Variants in CATSPER3 observed in about 807,000 individuals in gnomAD.
CATSPER3 encodes cation channel sperm associated 3.
CATSPER3 carries 23 observed loss-of-function variants against 36.6 expected under a neutral mutation model. The observed-to-expected ratio is 0.63, with a 90% CI of 0.45 to 0.89. The LOEUF is 0.89. Ranked by LOEUF, CATSPER3 falls within the 40% of genes least tolerant of loss-of-function variation. The probability of loss-of-function intolerance (pLI) is 0.00; values close to 1 mark genes in which losing one functional copy is unlikely to be tolerated. For synonymous variants in CATSPER3, 172 were observed against 184.1 expected (o/e 0.93, Z 0.53); for missense variants, 474 against 503.9 (o/e 0.94, Z 0.57).
intron 2 of CATSPER3, among the ~76,000 whole-genome samples, chr5:134,983,336 A>T (rs2149547749): frequency 6.6e-6 from 1 of 152,288 alleles, no homozygotes; most frequent in South Asian, 2.1e-4. Flanking sequence ...AATAGTCATG[A>T]CCAGCCTGGC....
chr5:134,971,826 G>A (rs1417322984), intron 2 of CATSPER3, among the ~76,000 whole-genome samples: 2 of 151,908 alleles, frequency 1.3e-5, no homozygotes, highest in African/African-American at 4.8e-5. Context: ...AGGAAGAGAA[G>A]GTTCAGATAA....
intron 2 of CATSPER3, among the ~76,000 whole-genome samples, chr5:134,970,596 G>C (rs1486584321): frequency 3.1e-5 from 4 of 129,734 alleles, no homozygotes; most frequent in Non-Finnish European, 6.3e-5. Context: ...TTTTGAGACA[G>C]AGTCTCGCCC....
At chr5:134,971,923 G>A (rs1286573135) in intron 2 of CATSPER3, among the ~76,000 whole-genome samples, 3 of 152,134 alleles carry the variant, frequency 2.0e-5, no homozygotes, top group Admixed American at 1.3e-4. Context: ...GCTCAGTGAG[G>A]TTAGAACCAC....
At position 134,983,133 on chromosome 5, in the gene CATSPER3, T is replaced by C. The variant is rs187931229; in HGVS notation, c.252+13041T>C. On this transcript the variant is annotated intron_variant, in intron 2 of 7. Transcript: ENST00000282611. The stretch of plus-strand genomic sequence containing the variant: ...AGGTATATATGCAAAAAGGCAGTAA[T>C]GGAGGAATTGAGGAACAAAAATATA... 3.9e-5 allele frequency among the ~76,000 whole-genome samples: 6 copies of C among 152,022 alleles called. No homozygotes were observed. The East Asian group carries it at 1.2e-3, about 29-fold the overall frequency.
chr5:134,969,842 G>A, intron 1 of CATSPER3, 97 bp from the exon 2 acceptor site: 2 of 1,234,274 alleles, frequency 1.6e-6, no homozygotes, highest in Admixed American at 1.7e-5. Flanking sequence ...TCACACAAGG[G>A]AGAAAGCAGA....
chr5:135,010,844 C>A (rs1216170353), intron 7 of CATSPER3, among the ~76,000 whole-genome samples: 1 of 152,182 alleles, frequency 6.6e-6, no homozygotes, highest in Non-Finnish European at 1.5e-5. Flanking sequence ...GAGGAAAGAC[C>A]ACTGGGTAGC....
intron 3 of CATSPER3, among the ~76,000 whole-genome samples, chr5:135,000,360 G>A (rs540659835): frequency 2.2e-4 from 33 of 152,356 alleles, no homozygotes; most frequent in East Asian, 7.7e-4. Flanking sequence ...ATGTTCATCA[G>A]GGATATTGGT....
rs760354968 is a variant in CATSPER3, at chr5:134,967,949, G to T, written c.-43G>T. On this transcript the variant is annotated 5_prime_UTR_variant, in exon 1 of 8. Coordinates refer to ENST00000282611, the MANE Select transcript of CATSPER3 (RefSeq NM_178019.3). The stretch of plus-strand genomic sequence containing the variant: ...GAAAATCCCTAAGCAGAGATTTTCT[G>T]TTGGATGCTAAAAGCAAGGAATAAA... 3 of 1,441,600 alleles carry T rather than the reference G, an allele frequency of 2.1e-6. No individual in the cohort carries two copies. The highest frequency in any genetic ancestry group is 1.7e-5 in the Admixed American group (1 of 59,786). 89.3% of individuals were successfully genotyped at this position (1,441,600 alleles called of 1,614,324 possible).
intron 3 of CATSPER3, among the ~76,000 whole-genome samples, chr5:135,002,087 G>A (rs1248202643): frequency 2.6e-5 from 4 of 152,198 alleles, no homozygotes; most frequent in African/African-American, 4.8e-5. Context: ...GCATGTTTTT[G>A]CAGTGGCTGT....
chr5:134,998,286 A>G (rs1337039756), intron 3 of CATSPER3, among the ~76,000 whole-genome samples: 4 of 152,182 alleles, frequency 2.6e-5, no homozygotes, highest in Non-Finnish European at 4.4e-5. Flanking sequence ...TCCGTGGTGT[A>G]TATGTGCCAC....
At chr5:135,006,383 G>A (rs1213263261) in intron 3 of CATSPER3, among the ~76,000 whole-genome samples, 1 of 152,176 alleles carries the variant, frequency 6.6e-6, no homozygotes, top group Non-Finnish European at 1.5e-5. Flanking sequence ...CTTCTGCACA[G>A]GCTTTGGATT....
Position 134,999,726 on chromosome 5 carries a change from T to A in CATSPER3, c.492+3214T>A, listed in dbSNP as rs543467880. Among the ~76,000 whole-genome samples, 4 of 152,336 alleles carry A rather than the reference T, an allele frequency of 2.6e-5. No homozygotes were observed. The South Asian group carries it at 8.3e-4, about 32-fold the overall frequency. On this transcript the variant is annotated intron_variant, in intron 3 of 7. Coordinates refer to ENST00000282611, the MANE Select transcript of CATSPER3 (RefSeq NM_178019.3). ...TCTCTGTTTGTGTGTTATTGGTGTA[T>A]AGGAATGCTTGTGATTTTTGCACAT... is the stretch of plus-strand genomic sequence containing the variant.
chr5:135,009,669 A>G (rs187768694), intron 6 of CATSPER3, among the ~76,000 whole-genome samples, 179 bp downstream of exon 6: 371 of 10,464 alleles, frequency 0.035, 1 homozygote, highest in African/African-American at 0.2. Flanking sequence ...TATTCTCGGC[A>G]TTTTTGTGTT....
rs371224536 is a variant in CATSPER3, at chr5:134,996,227, G to T, written c.253-46G>T. 1.9e-6 allele frequency: 3 copies of T among 1,613,828 alleles called. No individual in the cohort carries two copies. In the South Asian group the frequency reaches 3.3e-5, roughly 18 times the overall value. On this transcript the variant is annotated intron_variant, in intron 2 of 7. Transcript: ENST00000282611. ...GCAGGGAGCAGGCCAGAGCTCTAGG[G>T]CTGTGCAGCTCGATCTGACTTCTCC...
At position 135,008,019 on chromosome 5, in the gene CATSPER3, C is replaced by T. The variant is rs1343176734; in HGVS notation, c.555C>T (p.Phe185=). 7 of 1,614,152 alleles carry T rather than the reference C, an allele frequency of 4.3e-6. No homozygotes were observed. In the South Asian group the frequency reaches 6.6e-5, roughly 15 times the overall value. ...TGGCCTCTGTGCTCCTCCTGCTCTT[C>T]CTCCTCATGTACATCTTCGCTATCT... ...YTVASVLLLL[F]LLMYIFAILG... The change falls in exon 4 of 8, where the codon TTC becomes TTT. Residue 185 remains phenylalanine (F), a synonymous_variant. Transcript: ENST00000282611.
At chr5:134,974,894 G>T (rs1751649452) in intron 2 of CATSPER3, among the ~76,000 whole-genome samples, 1 of 152,032 alleles carries the variant, frequency 6.6e-6, no homozygotes, top group African/African-American at 2.4e-5. Context: ...AAATTGAGGA[G>T]CCTAAACCCT....
intron 2 of CATSPER3, among the ~76,000 whole-genome samples, chr5:134,983,625 C>G (rs941417817): frequency 5.3e-5 from 8 of 152,088 alleles, no homozygotes; most frequent in African/African-American, 1.9e-4. Flanking sequence ...CAAAAGATAG[C>G]TGGGGTGGCT....
At chr5:135,010,724 T>TG (rs1367186493) in intron 7 of CATSPER3, among the ~76,000 whole-genome samples, 194 bp downstream of exon 7, 2 of 152,064 alleles carry the variant, frequency 1.3e-5, no homozygotes, top group Non-Finnish European at 2.9e-5. Flanking sequence ...GGGCCATGGC[T>TG]GGGGGGAATC....
chr5:134,971,753 C>G (rs1016415545), intron 2 of CATSPER3, among the ~76,000 whole-genome samples: 2 of 151,940 alleles, frequency 1.3e-5, no homozygotes, highest in African/African-American at 2.4e-5. Flanking sequence ...AGACAGGATC[C>G]CACAGTTGGG....
Sources: gnomAD v4.1 joint callset for allele counts (sites outside exome capture counted in the v4.1 genomes callset) on GRCh38, gnomAD v4.1.1 for gene constraint, MANE v1.5 for transcripts, NCBI Gene and HGNC (gene_info 2026-07-23, HGNC 2026-07-21) for gene names.